Variants in SLC28A1 observed in about 807,000 individuals in gnomAD.
SLC28A1 encodes sodium/nucleoside cotransporter 1.
SLC28A1 carries 64 observed loss-of-function variants against 74.8 expected under a neutral mutation model. That is an observed-to-expected ratio of 0.86 (90% confidence interval 0.70 to 1.05). The LOEUF (loss-of-function observed/expected upper bound fraction) is 1.05, where lower values mean the gene tolerates loss of function less well. Among genes scored for constraint, SLC28A1 ranks in the 50% least tolerant of loss-of-function variants. The pLI is 0.00. For synonymous variants in SLC28A1, 359 were observed against 335.0 expected (o/e 1.07, Z -0.78); for missense variants, 828 against 822.8 (o/e 1.01, Z -0.08).
intron 8 of SLC28A1, among the ~76,000 whole-genome samples, chr15:84,907,532 T>A (rs543062908): frequency 2.0e-5 from 3 of 152,156 alleles, no homozygotes; most frequent in Non-Finnish European, 4.4e-5. Flanking sequence ...TGAGACAGGA[T>A]TTCACTTCCA....
At chr15:84,893,293 C>T (rs1356258965) in intron 5 of SLC28A1, among the ~76,000 whole-genome samples, 8 of 152,100 alleles carry the variant, frequency 5.3e-5, no homozygotes, top group Non-Finnish European at 7.4e-5. Context: ...CACCTCCTGG[C>T]GACCACGGAG....
intron 6 of SLC28A1, among the ~76,000 whole-genome samples, chr15:84,900,859 A>G (rs1332285438): frequency 1.4e-5 from 2 of 138,666 alleles, no homozygotes; most frequent in African/African-American, 5.5e-5. Context: ...AGGGAAGGGG[A>G]AGGGTGAAAG....
chr15:84,900,485 A>G (rs564172400), intron 6 of SLC28A1, among the ~76,000 whole-genome samples: 4 of 152,024 alleles, frequency 2.6e-5, no homozygotes, highest in Admixed American at 2.6e-4. Context: ...AAATGCTACT[A>G]GACAGAAACC....
At chr15:84,940,769 A>T (rs1178011777) in intron 15 of SLC28A1, 1 of 193,480 alleles carries the variant, frequency 5.2e-6, no homozygotes, top group Non-Finnish European at 1.1e-5. Context: ...CAACATCAAC[A>T]ACGGATAGGC....
intron 15 of SLC28A1, among the ~76,000 whole-genome samples, chr15:84,937,313 T>A (rs1314261217): frequency 6.6e-6 from 1 of 152,172 alleles, no homozygotes; most frequent in Admixed American, 6.5e-5. Context: ...TCAGATCATT[T>A]CTGCAGCGTT....
intron 15 of SLC28A1, among the ~76,000 whole-genome samples, chr15:84,936,711 C>T (rs1971983237): frequency 6.6e-6 from 1 of 152,162 alleles, no homozygotes; most frequent in South Asian, 2.1e-4. Flanking sequence ...ATCTCACCAT[C>T]CCAGATAATA....
intron 10 of SLC28A1, among the ~76,000 whole-genome samples, chr15:84,920,734 A>C (rs1178765301): frequency 8.2e-6 from 1 of 122,172 alleles, no homozygotes; most frequent in Non-Finnish European, 1.6e-5. Context: ...GCATTTCACA[A>C]TTCTCAAATA....
At chr15:84,971,623 A>G in the SLC28A1 span, among the ~76,000 whole-genome samples, 7 of 151,476 alleles carry the variant, frequency 4.6e-5, no homozygotes, top group African/African-American at 1.7e-4. Flanking sequence ...TACACCAAAT[A>G]TACCCCACCC....
the SLC28A1 span, among the ~76,000 whole-genome samples, chr15:84,956,501 CCTTTT>C: frequency 1.9e-5 from 2 of 103,008 alleles, no homozygotes; most frequent in African/African-American, 4.1e-5. Flanking sequence ...GTTTCTCTTT[CCTTTT>C]TCTTTCGACA....
At chr15:84,945,076 C>G (rs745603186) in intron 18 of SLC28A1, 49 bp from the exon 19 acceptor site, 2 of 1,541,354 alleles carry the variant, frequency 1.3e-6, no homozygotes, top group Admixed American at 3.3e-5. Flanking sequence ...GGTGGTGGCC[C>G]GCAGAACCAG....
downstream of SLC28A1, among the ~76,000 whole-genome samples, chr15:84,949,835 T>C (rs1015672525): frequency 1.3e-5 from 2 of 152,074 alleles, no homozygotes; most frequent in Admixed American, 1.3e-4. Context: ...AGTCCTGGCC[T>C]GGATCATAAA....
the SLC28A1 span, among the ~76,000 whole-genome samples, chr15:84,975,197 T>G: frequency 6.6e-6 from 1 of 152,252 alleles, no homozygotes; most frequent in South Asian, 2.1e-4. Flanking sequence ...TATTTCCCAA[T>G]TGAGTATTTC....
At chr15:84,961,117 G>A in the SLC28A1 span, among the ~76,000 whole-genome samples, 13 of 152,008 alleles carry the variant, frequency 8.6e-5, no homozygotes, top group African/African-American at 3.1e-4. Context: ...AACTCGTAGG[G>A]GTGTTGTAAG....
chr15:84,896,022 A>G, intron 6 of SLC28A1: 1 of 830,816 alleles, frequency 1.2e-6, no homozygotes, highest in Non-Finnish European at 1.5e-6. Flanking sequence ...TCTTTATTAA[A>G]TACATTTGTG....
the SLC28A1 span, among the ~76,000 whole-genome samples, chr15:84,972,440 G>C: frequency 2.0e-5 from 3 of 152,208 alleles, no homozygotes; most frequent in East Asian, 5.8e-4. Flanking sequence ...ACCCATTTCA[G>C]AGTATTGTTG....
chr15:84,933,352 C>T, intron 13 of SLC28A1, 77 bp downstream of exon 13: 2 of 1,520,168 alleles, frequency 1.3e-6, no homozygotes, highest in Non-Finnish European at 1.8e-6. Context: ...CCCGTTCTCT[C>T]TGTCCATCAC....
intron 7 of SLC28A1, 135 bp from the exon 8 acceptor site, chr15:84,905,404 G>A (rs1223069218): frequency 4.3e-6 from 3 of 691,710 alleles, no homozygotes; most frequent in Middle Eastern, 3.6e-4. Context: ...GTGACCACTG[G>A]CAACAGGCCT....
At chr15:84,890,629 A>G in intron 5 of SLC28A1, 95 bp downstream of exon 5, 3 of 1,039,324 alleles carry the variant, frequency 2.9e-6, no homozygotes, top group Non-Finnish European at 4.3e-6. Flanking sequence ...CAGTCATTCA[A>G]CAAATGGTTG....
At chr15:84,953,602 C>A in the SLC28A1 span, among the ~76,000 whole-genome samples, 1 of 152,158 alleles carries the variant, frequency 6.6e-6, no homozygotes, top group Non-Finnish European at 1.5e-5. Context: ...TGGTGACAAG[C>A]ACCTGCAGTC....
Sources: gnomAD v4.1 joint callset for allele counts (sites outside exome capture counted in the v4.1 genomes callset) on GRCh38, gnomAD v4.1.1 for gene constraint, MANE v1.5 for transcripts, NCBI Gene and HGNC (gene_info 2026-07-23, HGNC 2026-07-21) for gene names.